The following ZNF76 variants were observed in gnomAD, a reference collection of about 807,000 sequenced individuals.
ZNF76 encodes the protein zinc finger protein 76, also known as zinc finger protein 523.
In ZNF76, 66 loss-of-function variants were observed where a neutral mutation model predicts 66.9. The observed-to-expected ratio is 0.99, with a 90% CI of 0.81 to 1.21. The LOEUF is 1.21. Among genes scored for constraint, ZNF76 ranks in the 50% most tolerant of loss-of-function variants. The pLI is 0.00. For synonymous variants in ZNF76, 275 were observed against 296.1 expected (o/e 0.93, Z 0.73); for missense variants, 729 against 760.3 (o/e 0.96, Z 0.48).
chr6:35,267,079 T>A lies in ZNF76; in HGVS notation c.-97+7238T>A, dbSNP rs992880379. Among the ~76,000 whole-genome samples, 5 of 151,458 alleles carry A rather than the reference T, an allele frequency of 3.3e-5. No individual in the cohort carries two copies. In the South Asian group the frequency reaches 6.3e-4, roughly 19 times the overall value. On this transcript the variant is annotated intron_variant, in intron 1 of 13. Coordinates refer to ENST00000373953, the MANE Select transcript of ZNF76 (RefSeq NM_003427.5). ...CTCCCAAAGTGCTGGGATTACAGGC[T>A]TGAGCCACTGCATCCGGCCCCTTAT... is the stretch of plus-strand genomic sequence containing the variant.
chr6:35,288,506 T>C (rs1026833675), intron 5 of ZNF76, among the ~76,000 whole-genome samples: 7 of 152,380 alleles, frequency 4.6e-5, no homozygotes, highest in Non-Finnish European at 7.3e-5. Context: ...GTTCCCTTCC[T>C]GGAATGACTA....
Position 35,266,738 on chromosome 6 carries a change from G to A in ZNF76, c.-97+6897G>A, listed in dbSNP as rs377661655. On this transcript the variant is annotated intron_variant, in intron 1 of 13. Transcript: ENST00000373953. ...GATCCTTTGGGACTCCTCTGGCAACGCAGGCCTCTGTCTCTTCATCTGCAA... is the reference window on the plus strand; with the variant it reads ...GATCCTTTGGGACTCCTCTGGCAACACAGGCCTCTGTCTCTTCATCTGCAA... Among the ~76,000 whole-genome samples, 8 of 151,468 alleles carry A rather than the reference G, an allele frequency of 5.3e-5. No individual in the cohort carries two copies. The South Asian group carries it at 6.2e-4, about 12-fold the overall frequency.
Position 35,292,087 on chromosome 6 carries a change from T to G in ZNF76, c.931+350T>G. 4.6e-6 allele frequency: 2 copies of G among 438,010 alleles called. No homozygotes were observed. Among genetic ancestry groups the G allele is most frequent in the Non-Finnish European group, 8.5e-6 (2 of 235,452 alleles). 27.1% of individuals were successfully genotyped at this position (438,010 alleles called of 1,614,324 possible). On this transcript the variant is annotated intron_variant, in intron 9 of 13. Coordinates refer to ENST00000373953, the MANE Select transcript of ZNF76 (RefSeq NM_003427.5). This position sits in a 1 kb window ranked among gnomAD's most constrained non-coding sequence, Gnocchi z 4.7. ...AGCAGAGTGAACTGTCACCTTCAACTCCTCACCTTATCCGCCGTCCATGAC... is the reference window on the plus strand; with the variant it reads ...AGCAGAGTGAACTGTCACCTTCAACGCCTCACCTTATCCGCCGTCCATGAC...
chr6:35,263,015 A>G lies in ZNF76; in HGVS notation c.-97+3174A>G, dbSNP rs80201972. Among the ~76,000 whole-genome samples the G allele has an allele frequency of 1.4e-3, 207 of 152,022 alleles. 3 individuals are homozygous for G. The East Asian group carries it at 0.037, about 27-fold the overall frequency. On this transcript the variant is annotated intron_variant, in intron 1 of 13. Transcript: ENST00000373953. Reference sequence around the variant, plus strand: ...TGATTACAATATAAATCTCCCTTCCATCTCAGGTCTGCTCCTTTCTTCCTC... The same window carrying G: ...TGATTACAATATAAATCTCCCTTCCGTCTCAGGTCTGCTCCTTTCTTCCTC...
At chr6:35,268,311 G>C (rs576958118) in intron 1 of ZNF76, among the ~76,000 whole-genome samples, 1 of 152,268 alleles carries the variant, frequency 6.6e-6, no homozygotes, top group East Asian at 1.9e-4. Flanking sequence ...GTTTATTCTT[G>C]TGTCATTTAG....
In ZNF76 at chr6:35,290,518, A is replaced by G; in HGVS notation, c.550-123A>G. On this transcript the variant is annotated intron_variant, in intron 6 of 13. Transcript: ENST00000373953. ...AGAAATGAGGGTACACAGGAATGCC[A>G]GCACAGAGCGCTTGACACACATGAA... 2.6e-6 allele frequency: 4 copies of G among 1,520,502 alleles called. No homozygotes were observed. In the East Asian group the frequency reaches 9.0e-5, roughly 34 times the overall value. The allele number at this position is 1,520,502 out of a possible 1,614,324, so 94.2% of individuals were successfully genotyped here. A position where few individuals can be genotyped will look rare whatever the true frequency, so the allele number is the denominator to read the frequency against.
In ZNF76 at chr6:35,290,321, GA is replaced by G; in HGVS notation, c.489del (p.Ala164HisfsTer19). 8 of 1,614,228 alleles carry G rather than the reference GA, an allele frequency of 5.0e-6. No homozygotes were observed. The highest frequency in any genetic ancestry group is 6.8e-6 in the Non-Finnish European group (8 of 1,180,038). On this transcript the variant is annotated frameshift_variant, in exon 6 of 14. Transcript: ENST00000373953. LOFTEE classifies it high-confidence loss of function. Reference sequence around the variant, plus strand: ...GGAAAAGGGCAGCAAGTTGGAGACAGAGCATTCCGCTGTGGCTACAAGGGCT... The same window carrying G: ...GGAAAAGGGCAGCAAGTTGGAGACAGGCATTCCGCTGTGGCTACAAGGGCT... ...RNGKGQQVGD[R>X]AFRCGYKGCG...
intron 2 of ZNF76, among the ~76,000 whole-genome samples, chr6:35,284,078 T>A (rs1039716273): frequency 2.0e-5 from 3 of 149,874 alleles, no homozygotes; most frequent in South Asian, 4.2e-4. Flanking sequence ...TGTCATTAAC[T>A]TTTTTTTTAT....
intron 1 of ZNF76, among the ~76,000 whole-genome samples, chr6:35,263,102 TC>T (rs1416734628): frequency 6.6e-6 from 1 of 152,232 alleles, no homozygotes; most frequent in Non-Finnish European, 1.5e-5. Flanking sequence ...CAGCTCTGCT[TC>T]CTTCATATGC....
At chr6:35,262,460 A>G (rs914595385) in intron 1 of ZNF76, among the ~76,000 whole-genome samples, 3 of 152,120 alleles carry the variant, frequency 2.0e-5, no homozygotes, top group Non-Finnish European at 4.4e-5. Context: ...CTCTTGTTCT[A>G]TGAATCTTTG....
intron 1 of ZNF76, among the ~76,000 whole-genome samples, chr6:35,262,074 T>C (rs917765879): frequency 2.2e-4 from 33 of 152,204 alleles, no homozygotes; most frequent in African/African-American, 7.7e-4. Context: ...TAAACTTGTA[T>C]ATTTTTATAC....
intron 5 of ZNF76, among the ~76,000 whole-genome samples, chr6:35,290,014 G>A (rs543679830): frequency 5.9e-5 from 9 of 152,190 alleles, no homozygotes; most frequent in African/African-American, 1.9e-4. Flanking sequence ...TTCAATAGCC[G>A]TCACAGCCAC....
chr6:35,291,537 C>T, intron 8 of ZNF76, 21 bp from the exon 9 acceptor site: 2 of 1,609,088 alleles, frequency 1.2e-6, no homozygotes, highest in South Asian at 2.2e-5. Context: ...CACCCCTCCT[C>T]ACATCCCACC....
chr6:35,276,449 T>C (rs1787902597), intron 1 of ZNF76, among the ~76,000 whole-genome samples: 1 of 152,236 alleles, frequency 6.6e-6, no homozygotes, highest in African/African-American at 2.4e-5. Context: ...TACAGGCATA[T>C]GTGCCCTCAT....
In ZNF76 at chr6:35,292,977, T is replaced by G; in HGVS notation, c.1262T>G (p.Val421Gly). The G allele has an allele frequency of 6.2e-7, 1 of 1,614,166 alleles. No homozygotes were observed. Among genetic ancestry groups the G allele is most frequent in the Non-Finnish European group, 8.5e-7 (1 of 1,180,030 alleles). Residue 421 changes from valine (V) to glycine (G), a missense_variant, in exon 11 of 14, where the codon GTG (valine) becomes GGG (glycine). Val to Gly is a moderately radical substitution (Grantham distance 109). Coordinates refer to ENST00000373953, the MANE Select transcript of ZNF76 (RefSeq NM_003427.5). This position sits in a 1 kb window ranked among gnomAD's most constrained non-coding sequence, Gnocchi z 4.7. ...KEERDDIPAQ[V>G]AMVTEEDGAP... ...GAGAGAGATGACATCCCAGCCCAGG[T>G]GGCGATGGTGACTGAAGAAGATGGG...
At chr6:35,293,106 T>C (rs764488999) in intron 11 of ZNF76, 62 bp downstream of exon 11, 9 of 1,558,948 alleles carry the variant, frequency 5.8e-6, no homozygotes, top group Non-Finnish European at 7.8e-6. Flanking sequence ...CTCTGGGGAC[T>C]CTGGGAGCCC....
intron 1 of ZNF76, among the ~76,000 whole-genome samples, chr6:35,277,529 G>A (rs1018734820): frequency 1.3e-5 from 2 of 152,234 alleles, no homozygotes; most frequent in Admixed American, 1.3e-4. Flanking sequence ...GGCCTAGGGT[G>A]AAATCCTCCT....
In ZNF76 at chr6:35,292,057, GA is replaced by G; in HGVS notation, c.931+322del. On this transcript the variant is annotated intron_variant, in intron 9 of 13. Coordinates refer to ENST00000373953, the MANE Select transcript of ZNF76 (RefSeq NM_003427.5). This position sits in a 1 kb window ranked among gnomAD's most constrained non-coding sequence, Gnocchi z 4.7. The stretch of plus-strand genomic sequence containing the variant: ...AGAGGCCAGGGTCAGGAATGATGGG[GA>G]AGAAGCAGAGTGAACTGTCACCTTC... 1 of 474,012 alleles carries G rather than the reference GA, an allele frequency of 2.1e-6. No individual in the cohort carries two copies. Among genetic ancestry groups the G allele is most frequent in the South Asian group, 2.3e-5 (1 of 42,824 alleles). The allele number at this position is 474,012 out of a possible 1,614,324, so 29.4% of individuals were successfully genotyped here.
chr6:35,276,754 G>A (rs6902523), intron 1 of ZNF76, among the ~76,000 whole-genome samples: 117,678 of 149,534 alleles, frequency 0.79, 46,905 homozygotes, highest in Non-Finnish European at 0.85. Context: ...TTCAACCTAT[G>A]TCTGCTTTGT....
Sources: gnomAD v4.1 joint callset for allele counts (sites outside exome capture counted in the v4.1 genomes callset) on GRCh38, gnomAD v4.1.1 for gene constraint, Gnocchi (gnomAD v3.1) non-coding constraint, MANE v1.5 for transcripts, NCBI Gene and HGNC (gene_info 2026-07-23, HGNC 2026-07-21) for gene names.